Variants in ATP12A observed in about 807,000 individuals in gnomAD.
ATP12A encodes the protein potassium-transporting ATPase alpha chain 2.
Under a neutral mutation model 111.2 loss-of-function variants are expected in ATP12A, and 81 were observed. The ratio of observed to expected loss-of-function variants is 0.73; its 90% confidence interval spans 0.61 to 0.88. ATP12A has a LOEUF of 0.88. ATP12A is among the 40% of genes least tolerant of loss of function. The pLI, the probability that ATP12A is intolerant of heterozygous loss-of-function variation, is 0.00. For synonymous variants in ATP12A, 498 were observed against 499.8 expected (o/e 1.00, Z 0.05); for missense variants, 1,196 against 1,313.1 (o/e 0.91, Z 1.38).
intron 7 of ATP12A, 47 bp from the exon 8 acceptor site, chr13:24,690,935 C>A: frequency 2.5e-6 from 4 of 1,608,080 alleles, no homozygotes; most frequent in Non-Finnish European, 3.4e-6. Flanking sequence ...GCTGCACACC[C>A]CTCCTGGCTG....
At chr13:24,690,030 A>T (rs1450339496) in intron 5 of ATP12A, among the ~76,000 whole-genome samples, 1 of 152,086 alleles carries the variant, frequency 6.6e-6, no homozygotes, top group East Asian at 1.9e-4. Flanking sequence ...GCTTGGCCAG[A>T]TCTGGCCAAC....
chr13:24,698,638 C>T lies in ATP12A; in HGVS notation c.1513-20C>T, dbSNP rs1467767942. On this transcript the variant is annotated intron_variant, in intron 11 of 22. Transcript: ENST00000381946. ...GTTTCACCTTTCTGTAAGTAACACG[C>T]TCAGTTCATTCCTTCCCAGCTCTCC... The T allele has an allele frequency of 1.9e-6, 3 of 1,610,126 alleles. No individual in the cohort carries two copies. The highest frequency in any genetic ancestry group is 3.3e-5 in the Admixed American group (2 of 59,882).
chr13:24,701,375 C>G (rs1849936855), intron 13 of ATP12A, among the ~76,000 whole-genome samples: 1 of 151,832 alleles, frequency 6.6e-6, no homozygotes, highest in Admixed American at 6.6e-5. Flanking sequence ...GTGGCACACA[C>G]CTGTAATCCC....
intron 14 of ATP12A, among the ~76,000 whole-genome samples, chr13:24,703,110 G>A (rs1170411044): frequency 2.0e-5 from 3 of 152,236 alleles, no homozygotes; most frequent in Admixed American, 2.0e-4. Flanking sequence ...AAGTCTAAGA[G>A]TCTTGCAGTG....
chr13:24,681,665 G>C lies in ATP12A; in HGVS notation c.113G>C (p.Cys38Ser), dbSNP rs1245121152. 1 of 1,614,180 alleles carries C rather than the reference G, an allele frequency of 6.2e-7. No homozygotes were observed. The highest frequency in any genetic ancestry group is 1.1e-5 in the South Asian group (1 of 91,084). Reference sequence around the variant, plus strand: ...AAGTATAGGGGTCTGAAGAACAACTGCCTGGAACTCAAAAAGAAAAATCAC... The same window carrying C: ...AAGTATAGGGGTCTGAAGAACAACTCCCTGGAACTCAAAAAGAAAAATCAC... ...KEKYRGLKNNCLELKKKNHKE... is the reference protein window; with the variant it reads ...KEKYRGLKNNSLELKKKNHKE... Residue 38 changes from cysteine to serine, a missense_variant, in exon 2 of 23, where the codon TGC (cysteine) becomes TCC (serine). Cys to Ser is a moderately radical substitution (Grantham distance 112). Around this residue, in one of 3 missense-constraint regions of ATP12A, gnomAD observed 67 missense variants for 64.0 expected, o/e 1.05. Coordinates refer to ENST00000381946, the MANE Select transcript of ATP12A (RefSeq NM_001676.7).
intron 1 of ATP12A, 152 bp downstream of exon 1, chr13:24,680,904 C>T (rs1395604876): frequency 7.0e-6 from 9 of 1,293,336 alleles, no homozygotes; most frequent in Non-Finnish European, 9.0e-6. Flanking sequence ...GAGCGCCCCC[C>T]GGCCTGGGCA....
At chr13:24,709,213 A>T in intron 17 of ATP12A, 151 bp from the exon 18 acceptor site, 1 of 845,236 alleles carries the variant, frequency 1.2e-6, no homozygotes, top group Non-Finnish European at 1.8e-6. Context: ...CCATACAGAC[A>T]ACACGCCCTC....
intron 2 of ATP12A, among the ~76,000 whole-genome samples, chr13:24,683,158 A>T (rs1345424214): frequency 6.6e-6 from 1 of 152,102 alleles, no homozygotes; most frequent in Admixed American, 6.5e-5. Flanking sequence ...GGGTTTCCCC[A>T]TGTTGGCCAG....
intron 11 of ATP12A, among the ~76,000 whole-genome samples, chr13:24,697,714 G>GTGATAATT (rs3054738): frequency 0.56 from 83,370 of 149,494 alleles, 23,536 homozygotes; most frequent in South Asian, 0.7. Flanking sequence ...GAAAGTGATA[G>GTGATAATT]AGCTGGGAGG....
Position 24,711,620 on chromosome 13 carries a change from T to C in ATP12A, c.*98T>C, listed in dbSNP as rs1875976591. ...CTATTCCCCTGCAGTGCAGACATCG[T>C]CAAAATTCAGACAAGAGGAAATTTT... On this transcript the variant is annotated 3_prime_UTR_variant, in exon 23 of 23. Coordinates refer to ENST00000381946, the MANE Select transcript of ATP12A (RefSeq NM_001676.7). 2.6e-6 allele frequency: 4 copies of C among 1,532,438 alleles called. No individual in the cohort carries two copies. In the Admixed American group the frequency reaches 5.3e-5, roughly 20 times the overall value. 94.9% of individuals were successfully genotyped at this position (1,532,438 alleles called of 1,614,324 possible). A position where few individuals can be genotyped will look rare whatever the true frequency, so the allele number is the denominator to read the frequency against.
rs1334856604 is a variant in ATP12A at position 24,680,749 on chromosome 13, C to T, written c.6C>T (p.His2=). 2.0e-6 allele frequency: 3 copies of T among 1,500,986 alleles called. No homozygotes were observed. Among genetic ancestry groups the T allele is most frequent in the Non-Finnish European group, 2.6e-6 (3 of 1,132,396 alleles). 93.0% of individuals were successfully genotyped at this position (1,500,986 alleles called of 1,614,324 possible). A position where few individuals can be genotyped will look rare whatever the true frequency, so the allele number is the denominator to read the frequency against. ...CGCGGCGCCACCAGCCCAGCATGCA[C>T]CAGGTGCGTGCAGCCCCCGCGCCGG... is the stretch of plus-strand genomic sequence containing the variant. The part of the protein sequence containing the change: M[H]QKTPEIYSVE... Residue 2 remains histidine, a synonymous_variant, in exon 1 of 23, where the codon CAC becomes CAT. Transcript: ENST00000381946.
chr13:24,709,279 G>GCC lies in ATP12A; in HGVS notation c.2494-82_2494-81dup. 2.4e-5 allele frequency: 5 copies of GCC among 211,218 alleles called. No homozygotes were observed. In the South Asian group the frequency reaches 2.4e-4, roughly 10 times the overall value. The allele number at this position is 211,218 out of a possible 1,614,324, so 13.1% of individuals were successfully genotyped here. A position where few individuals can be genotyped will look rare whatever the true frequency, so the allele number is the denominator to read the frequency against. ...ATGCCCCCCACCCCATCCAGCCAGT[G>GCC]CCCCACCCACCCCAGCCCCCCTCCC... On this transcript the variant is annotated intron_variant, in intron 17 of 22. Transcript: ENST00000381946.
chr13:24,710,886 A>G lies in ATP12A; in HGVS notation c.2992A>G (p.Met998Val), dbSNP rs377377645. 9.9e-6 allele frequency: 16 copies of G among 1,613,758 alleles called. No individual in the cohort carries two copies. The highest frequency in any genetic ancestry group is 1.4e-5 in the Non-Finnish European group (16 of 1,179,648). Residue 998 changes from methionine (M) to valine (V), a missense_variant, in exon 21 of 23, where the codon ATG (methionine) becomes GTG (valine). By Grantham distance (21) the Met-to-Val change is conservative. This residue lies in a region of ATP12A where 1,126 missense variants were observed against 1,228.5 expected (regional missense o/e 0.92). Coordinates refer to ENST00000381946, the MANE Select transcript of ATP12A (RefSeq NM_001676.7). ...AAGTGTCACAGCCTTGAGTTTCACC[A>G]TGCTTAGGTGAGTTCACCCTCAACA... ...LGSVTALSFT[M>V]LRAQYWFVAV...
intron 4 of ATP12A, 118 bp from the exon 5 acceptor site, chr13:24,689,144 G>A (rs1874775548): frequency 1.3e-6 from 1 of 796,472 alleles, no homozygotes; most frequent in Non-Finnish European, 2.1e-6. Flanking sequence ...TCCATGGCCT[G>A]TAAATTATAC....
chr13:24,706,433 G>A lies in ATP12A; in HGVS notation c.2139G>A (p.Lys713=). The change falls in exon 15 of 23, where the codon AAG becomes AAA. Residue 713 remains lysine (K), a synonymous_variant. Transcript: ENST00000381946. ...IVFARTSPQQ[K]LIIVEGCQRQ... The stretch of plus-strand genomic sequence containing the variant: ...TTGCCCGGACATCCCCCCAGCAGAA[G>A]CTGATCATTGTGGAGGGCTGTCAGA... 1 of 1,614,178 alleles carries A rather than the reference G, an allele frequency of 6.2e-7. No individual in the cohort carries two copies. The highest frequency in any genetic ancestry group is 8.5e-7 in the Non-Finnish European group (1 of 1,180,008).
intron 11 of ATP12A, among the ~76,000 whole-genome samples, chr13:24,696,029 A>G (rs2137704690): frequency 6.6e-6 from 1 of 152,306 alleles, no homozygotes; most frequent in South Asian, 2.1e-4. Flanking sequence ...AAGCCAAGAA[A>G]CCACATCTCT....
intron 1 of ATP12A, among the ~76,000 whole-genome samples, chr13:24,681,337 C>T (rs1192045666): frequency 6.6e-6 from 1 of 152,046 alleles, no homozygotes; most frequent in African/African-American, 2.4e-5. Flanking sequence ...GCTGGCTGGC[C>T]TGTGCCCACC....
At chr13:24,711,005 G>A (rs898697832) in intron 21 of ATP12A, 112 bp downstream of exon 21, 14 of 974,878 alleles carry the variant, frequency 1.4e-5, no homozygotes, top group Non-Finnish European at 1.9e-5. Flanking sequence ...TTCAAAAGAC[G>A]TCAAACTGAT....
Position 24,688,592 on chromosome 13 carries a change from T to G in ATP12A, c.432+70T>G, listed in dbSNP as rs1054446719. 3 of 1,407,960 alleles carry G rather than the reference T, an allele frequency of 2.1e-6. No homozygotes were observed. The African/African-American group carries it at 4.3e-5, about 20-fold the overall frequency. 87.2% of individuals were successfully genotyped at this position (1,407,960 alleles called of 1,614,324 possible). On this transcript the variant is annotated intron_variant, in intron 4 of 22. Coordinates refer to ENST00000381946, the MANE Select transcript of ATP12A (RefSeq NM_001676.7). ...TCCAGTGAGGCCTTGGGGGCACAGCTGGGGGCTGAATGCCACTGCCTAGGT... is the reference window on the plus strand; with the variant it reads ...TCCAGTGAGGCCTTGGGGGCACAGCGGGGGGCTGAATGCCACTGCCTAGGT...
Sources: gnomAD v4.1 joint callset for allele counts (sites outside exome capture counted in the v4.1 genomes callset) on GRCh38, gnomAD v4.1.1 for gene constraint, gnomAD v4.1.1 regional missense constraint, MANE v1.5 for transcripts, NCBI Gene and HGNC (gene_info 2026-07-23, HGNC 2026-07-21) for gene names.